The following ASH1L variants were observed in gnomAD, a reference collection of about 807,000 sequenced individuals.
ASH1L encodes histone-lysine N-methyltransferase ASH1L.
A neutral mutation model predicts 269.0 loss-of-function variants in ASH1L; 23 were observed. The ratio of observed to expected loss-of-function variants is 0.09; its 90% CI spans 0.06 to 0.12. The LOEUF (loss-of-function observed/expected upper bound fraction) is 0.12, where lower values mean the gene tolerates loss of function less well. ASH1L is among the 10% of genes least tolerant of loss of function. ASH1L has a pLI of 1.00. For missense variants in ASH1L, 2,912 were observed against 3,567.8 expected (o/e 0.82, Z 4.68); for synonymous variants, 1,187 against 1,253.5 (o/e 0.95, Z 1.12).
intron 2 of ASH1L, among the ~76,000 whole-genome samples, chr1:155,492,234 G>A (rs1196646000): frequency 3.3e-5 from 5 of 150,790 alleles, no homozygotes; most frequent in Admixed American, 2.6e-4. Flanking sequence ...TTTTGGTAGA[G>A]ACAGGGTTTC....
intron 2 of ASH1L, among the ~76,000 whole-genome samples, chr1:155,512,993 GT>G (rs1199354257): frequency 6.6e-6 from 1 of 151,912 alleles, no homozygotes; most frequent in African/African-American, 2.4e-5. Flanking sequence ...GGAGGTCAAG[GT>G]CAAGGCTACA....
chr1:155,434,714 A>ATGGTGGTG (rs1661939109), intron 5 of ASH1L, among the ~76,000 whole-genome samples: 1 of 151,930 alleles, frequency 6.6e-6, no homozygotes, highest in Non-Finnish European at 1.5e-5. Context: ...TTAGCCAGGC[A>ATGGTGGTG]TGGTGGTGTG....
intron 1 of ASH1L, among the ~76,000 whole-genome samples, chr1:155,560,929 C>G (rs1005927635): frequency 6.6e-6 from 1 of 151,884 alleles, no homozygotes; most frequent in Non-Finnish European, 1.5e-5. Context: ...CGGTCTCCCC[C>G]AAATACAAGC....
At chr1:155,550,808 C>T (rs1192978722) in intron 1 of ASH1L, among the ~76,000 whole-genome samples, 1 of 152,154 alleles carries the variant, frequency 6.6e-6, no homozygotes, top group Admixed American at 6.6e-5. Context: ...CTGTTGTATA[C>T]TCTGGGCTTA....
intron 1 of ASH1L, among the ~76,000 whole-genome samples, chr1:155,534,575 T>A (rs1477683776): frequency 6.6e-6 from 1 of 151,890 alleles, no homozygotes; most frequent in Non-Finnish European, 1.5e-5. Context: ...AAACCCTTGC[T>A]TTGTGGGGCC....
chr1:155,460,163 A>C (rs1375127937), intron 3 of ASH1L, among the ~76,000 whole-genome samples: 1 of 152,242 alleles, frequency 6.6e-6, no homozygotes, highest in African/African-American at 2.4e-5. Flanking sequence ...AAGAATAAAC[A>C]AGATATGATT....
intron 19 of ASH1L, among the ~76,000 whole-genome samples, chr1:155,348,911 T>TATATACAC (rs1186891494): frequency 2.1e-5 from 3 of 140,432 alleles, no homozygotes; most frequent in African/African-American, 5.4e-5. Context: ...TATATATATA[T>TATATACAC]ACACACACAC....
intron 4 of ASH1L, among the ~76,000 whole-genome samples, chr1:155,443,697 T>C (rs576098036): frequency 1.6e-4 from 24 of 152,332 alleles, no homozygotes; most frequent in African/African-American, 5.3e-4. Flanking sequence ...AGAAAGAATA[T>C]GTATTTTATT....
rs569664895 is a variant in ASH1L, at chr1:155,558,328, G to A, written c.-100+3825C>T. Among the ~76,000 whole-genome samples, 30 of 152,096 alleles carry A rather than the reference G, an allele frequency of 2.0e-4. No homozygotes were observed. The South Asian group carries it at 4.1e-3, about 21-fold the overall frequency. ...TACTAAAAATACATAAAAAATAGCC[G>A]GGCGTGGTGGCACACACCTGTAATC... is the stretch of plus-strand genomic sequence containing the variant. On this transcript the variant is annotated intron_variant, in intron 1 of 27. Coordinates refer to ENST00000392403, the MANE Select transcript of ASH1L (RefSeq NM_018489.3).
rs140776940 is a variant in ASH1L, at chr1:155,555,325, G to A, written c.-100+6828C>T. On this transcript the variant is annotated intron_variant, in intron 1 of 27. Coordinates refer to ENST00000392403, the MANE Select transcript of ASH1L (RefSeq NM_018489.3). ...CAGCCTGGCCAACATGGTGAAACCC[G>A]GTCTCTACTAAAAACACGAAAATTC... Among the ~76,000 whole-genome samples the A allele has an allele frequency of 3.8e-3, 567 of 150,402 alleles. 5 individuals are homozygous for A. Among genetic ancestry groups the A allele is most frequent in the African/African-American group, 0.013 (543 of 40,962 alleles).
rs778836827 is a variant in ASH1L at position 155,480,632 on chromosome 1, T to C, written c.2238A>G (p.Ser746=). The C allele has an allele frequency of 1.1e-5, 17 of 1,614,042 alleles. 1 individual carries two copies. In the Middle Eastern group the frequency reaches 4.9e-4, roughly 47 times the overall value. ...LERSELFKNV[S]CSSLSNSNSE... ...AATTACTATTTGATAGTGAGCTACA[T>C]GAAACGTTTTTAAAAAGCTCTGATC... The change falls in exon 3 of 28, where the codon TCA becomes TCG. Residue 746 remains serine (S), a synonymous_variant. Transcript: ENST00000392403.
chr1:155,368,825 A>G (rs1326014258), intron 12 of ASH1L, among the ~76,000 whole-genome samples: 3 of 152,178 alleles, frequency 2.0e-5, no homozygotes, highest in Non-Finnish European at 4.4e-5. Flanking sequence ...AGTAATTGAT[A>G]AACAAACTGG....
chr1:155,524,443 A>C (rs529784029), intron 1 of ASH1L, among the ~76,000 whole-genome samples: 1 of 151,230 alleles, frequency 6.6e-6, no homozygotes, highest in African/African-American at 2.4e-5. Context: ...AATGGCGTGA[A>C]TCTGGGAGGC....
chr1:155,363,789 A>G (rs962826729), intron 12 of ASH1L, among the ~76,000 whole-genome samples: 11 of 151,316 alleles, frequency 7.3e-5, no homozygotes, highest in African/African-American at 1.7e-4. Context: ...CCTGGACAAC[A>G]TGGCGAAACA....
At chr1:155,506,734 T>TA (rs1244367386) in intron 2 of ASH1L, among the ~76,000 whole-genome samples, 6 of 152,074 alleles carry the variant, frequency 3.9e-5, no homozygotes. Flanking sequence ...CTACCAGTTA[T>TA]ATAGCATTAT....
At chr1:155,413,791 A>G (rs1405552093) in intron 6 of ASH1L, among the ~76,000 whole-genome samples, 1 of 152,200 alleles carries the variant, frequency 6.6e-6, no homozygotes, top group African/African-American at 2.4e-5. Flanking sequence ...CCCTGAAGAC[A>G]TTGTGAAGGT....
chr1:155,470,367 G>T (rs1268808089), intron 3 of ASH1L, among the ~76,000 whole-genome samples: 1 of 151,916 alleles, frequency 6.6e-6, no homozygotes, highest in East Asian at 1.9e-4. Context: ...GCTGAGGCAG[G>T]AGAATTGCTT....
At chr1:155,512,241 T>G (rs1159217985) in intron 2 of ASH1L, among the ~76,000 whole-genome samples, 1 of 151,728 alleles carries the variant, frequency 6.6e-6, no homozygotes, top group Non-Finnish European at 1.5e-5. Flanking sequence ...GAAGATAAAG[T>G]AGAAAGGCAA....
At chr1:155,352,936 C>A (rs1654059062) in intron 16 of ASH1L, 78 bp from the exon 17 acceptor site, 2 of 1,383,296 alleles carry the variant, frequency 1.4e-6, no homozygotes, top group Non-Finnish European at 9.8e-7. Context: ...TGGATTCCTG[C>A]CATTTGCTCT....
Sources: allele counts gnomAD v4.1 joint callset (sites outside exome capture counted in the v4.1 genomes callset), GRCh38; gene constraint gnomAD v4.1.1; transcripts MANE v1.5; gene names NCBI Gene and HGNC (gene_info 2026-07-23, HGNC 2026-07-21).